The following LHFPL3 variants were observed in gnomAD, a reference collection of about 807,000 sequenced individuals.
LHFPL3 encodes LHFPL tetraspan subfamily member 3 protein.
LHFPL3 carries 5 observed loss-of-function variants against 19.3 expected under a neutral mutation model. That is an observed-to-expected ratio of 0.26 (90% CI 0.14 to 0.54). The LOEUF is 0.54. Among genes scored for constraint, LHFPL3 ranks in the 20% least tolerant of loss-of-function variants. The pLI, the probability that LHFPL3 is intolerant of heterozygous loss-of-function variation, is 0.94. For synonymous variants in LHFPL3, 133 were observed against 126.2 expected (o/e 1.05, Z -0.36); for missense variants, 249 against 307.4 (o/e 0.81, Z 1.42).
chr7:104,698,431 C>T lies in LHFPL3; in HGVS notation c.446-38244C>T, dbSNP rs1043876667. On this transcript the variant is annotated intron_variant, in intron 1 of 2. Transcript: ENST00000424859. ...TCAAAGTTTAAAATCCTATAAGGAACAAAAGCACAGACAATAAAAGACAAA... is the reference window on the plus strand; with the variant it reads ...TCAAAGTTTAAAATCCTATAAGGAATAAAAGCACAGACAATAAAAGACAAA... 2.6e-5 allele frequency among the ~76,000 whole-genome samples: 4 copies of T among 152,076 alleles called. No homozygotes were observed. The East Asian group carries it at 7.7e-4, about 29-fold the overall frequency.
intron 1 of LHFPL3, among the ~76,000 whole-genome samples, chr7:104,621,923 C>T (rs531239157): frequency 6.6e-6 from 1 of 152,248 alleles, no homozygotes; most frequent in Admixed American, 6.5e-5. Context: ...CATACTGACA[C>T]AAAAATTATC....
intron 2 of LHFPL3, among the ~76,000 whole-genome samples, chr7:104,791,320 G>T (rs980692247): frequency 1.8e-4 from 27 of 152,304 alleles, no homozygotes; most frequent in African/African-American, 6.0e-4. Flanking sequence ...CTATTGACAG[G>T]GTTAATTCTG....
chr7:104,406,407 G>A (rs1791412591), intron 1 of LHFPL3, among the ~76,000 whole-genome samples: 1 of 152,184 alleles, frequency 6.6e-6, no homozygotes, highest in African/African-American at 2.4e-5. Flanking sequence ...AAGGATCAGA[G>A]ATAAGGAATA....
intron 1 of LHFPL3, among the ~76,000 whole-genome samples, chr7:104,467,837 C>T (rs945548149): frequency 5.9e-5 from 9 of 152,136 alleles, no homozygotes; most frequent in South Asian, 2.1e-4. Flanking sequence ...CTCCTTCATC[C>T]TGCTCCTCCT....
chr7:104,704,706 G>T (rs1396511128), intron 1 of LHFPL3, among the ~76,000 whole-genome samples: 1 of 151,790 alleles, frequency 6.6e-6, no homozygotes, highest in Non-Finnish European at 1.5e-5. Flanking sequence ...CGTGATCACG[G>T]CTTACTACAG....
chr7:104,587,712 T>G (rs1790610368), intron 1 of LHFPL3, among the ~76,000 whole-genome samples: 1 of 152,060 alleles, frequency 6.6e-6, no homozygotes, highest in African/African-American at 2.4e-5. Context: ...TCCACAATGG[T>G]TGAACTAGTT....
intron 1 of LHFPL3, among the ~76,000 whole-genome samples, chr7:104,559,019 G>A (rs1172134198): frequency 6.7e-6 from 1 of 148,510 alleles, no homozygotes; most frequent in East Asian, 2.0e-4. Context: ...TGAGGGCTCT[G>A]TTCTGTTCCA....
chr7:104,843,738 GAAGT>G (rs1410187756), intron 2 of LHFPL3, among the ~76,000 whole-genome samples: 2 of 152,160 alleles, frequency 1.3e-5, no homozygotes, highest in Non-Finnish European at 2.9e-5. Context: ...CCAAAAGAGA[GAAGT>G]AAGAAGAGGG....
At chr7:104,424,931 G>T (rs377160901) in intron 1 of LHFPL3, among the ~76,000 whole-genome samples, 1 of 141,380 alleles carries the variant, frequency 7.1e-6, no homozygotes, top group East Asian at 2.2e-4. Flanking sequence ...GCAGTGAGCG[G>T]AGATCACGCC....
intron 2 of LHFPL3, among the ~76,000 whole-genome samples, chr7:104,749,211 T>A (rs1794108783): frequency 6.6e-6 from 1 of 152,160 alleles, no homozygotes; most frequent in Non-Finnish European, 1.5e-5. Flanking sequence ...GGAGTAGAGG[T>A]TTGGATCTTA....
chr7:104,748,576 A>G, intron 2 of LHFPL3, among the ~76,000 whole-genome samples: 1 of 146,520 alleles, frequency 6.8e-6, no homozygotes, highest in Non-Finnish European at 1.5e-5. Context: ...ATGCATATCT[A>G]AAAGCACAGC....
intron 1 of LHFPL3, among the ~76,000 whole-genome samples, chr7:104,532,254 C>A (rs763531171): frequency 4.8e-5 from 7 of 147,150 alleles, no homozygotes; most frequent in Non-Finnish European, 7.5e-5. Flanking sequence ...TTAACTGGAA[C>A]TAAAGGCATG....
intron 1 of LHFPL3, among the ~76,000 whole-genome samples, chr7:104,451,017 A>G (rs12705213): frequency 0.22 from 34,102 of 152,042 alleles, 4,262 homozygotes; most frequent in African/African-American, 0.34. Flanking sequence ...TTTCATACAG[A>G]GGATCCTCAG....
intron 1 of LHFPL3, among the ~76,000 whole-genome samples, chr7:104,495,529 A>G (rs575698291): frequency 2.4e-4 from 36 of 152,234 alleles, no homozygotes; most frequent in East Asian, 7.7e-4. Context: ...GACTACAGGC[A>G]CCTGCCACCA....
chr7:104,902,379 C>T lies in LHFPL3; in HGVS notation c.683-3808C>T, dbSNP rs552696934. ...AGAAGCCTGAGTCACAGAGCAAGAC[C>T]CTGTCTCAAAAAGAAGAGGAGGAAG... is the stretch of plus-strand genomic sequence containing the variant. On this transcript the variant is annotated intron_variant, in intron 2 of 2. Coordinates refer to ENST00000424859, the MANE Select transcript of LHFPL3 (RefSeq NM_199000.3). Among the ~76,000 whole-genome samples the T allele has an allele frequency of 1.2e-3, 187 of 151,072 alleles. 1 individual carries two copies. The highest frequency in any genetic ancestry group is 6.3e-4 in the South Asian group (3 of 4,754).
rs188046780 is a variant in LHFPL3, at chr7:104,774,489, A to G, written c.682+37578A>G. On this transcript the variant is annotated intron_variant, in intron 2 of 2. Coordinates refer to ENST00000424859, the MANE Select transcript of LHFPL3 (RefSeq NM_199000.3). Reference sequence around the variant, plus strand: ...ATTTGGCCCCAGGCAGCCAGTCTCCAGAACCCAATTCTCACCATTTGGCTA... The same window carrying G: ...ATTTGGCCCCAGGCAGCCAGTCTCCGGAACCCAATTCTCACCATTTGGCTA... 7.7e-3 allele frequency among the ~76,000 whole-genome samples: 1,173 copies of G among 152,374 alleles called. 5 individuals are homozygous for G. Among genetic ancestry groups the G allele is most frequent in the Non-Finnish European group, 0.011 (776 of 68,032 alleles).
At chr7:104,884,118 A>ATAGG (rs1792103070) in intron 2 of LHFPL3, among the ~76,000 whole-genome samples, 3 of 152,188 alleles carry the variant, frequency 2.0e-5, no homozygotes, top group Admixed American at 2.0e-4. Context: ...AAGCTCATTA[A>ATAGG]TACCTATACC....
rs564619334 is a variant in LHFPL3, at chr7:104,780,204, T to A, written c.682+43293T>A. Reference sequence around the variant, plus strand: ...CCAGTGGCCACTTCCCACTTGTGAGTGAGGTCTAGTGCAGAAGCTTCCCAG... The same window carrying A: ...CCAGTGGCCACTTCCCACTTGTGAGAGAGGTCTAGTGCAGAAGCTTCCCAG... On this transcript the variant is annotated intron_variant, in intron 2 of 2. Coordinates refer to ENST00000424859, the MANE Select transcript of LHFPL3 (RefSeq NM_199000.3). Among the ~76,000 whole-genome samples, 204 of 152,188 alleles carry A rather than the reference T, an allele frequency of 1.3e-3. 1 individual carries two copies. The highest frequency in any genetic ancestry group is 4.2e-3 in the African/African-American group (174 of 41,516).
At chr7:104,789,639 G>A (rs529153979) in intron 2 of LHFPL3, among the ~76,000 whole-genome samples, 4 of 152,100 alleles carry the variant, frequency 2.6e-5, no homozygotes, top group East Asian at 1.9e-4. Flanking sequence ...CACTACATTT[G>A]TATGTATCTT....
Sources: allele counts gnomAD v4.1 joint callset (sites outside exome capture counted in the v4.1 genomes callset), GRCh38; gene constraint gnomAD v4.1.1; transcripts MANE v1.5; gene names NCBI Gene and HGNC (gene_info 2026-07-23, HGNC 2026-07-21).